The following ME3 variants were observed in gnomAD, a reference collection of about 807,000 sequenced individuals.
ME3 encodes malic enzyme 3.
Under a neutral mutation model 68.9 loss-of-function variants are expected in ME3, and 48 were observed. That is an observed-to-expected ratio of 0.70 (90% CI 0.55 to 0.89). The LOEUF (loss-of-function observed/expected upper bound fraction) is 0.89. Ranked by LOEUF, ME3 falls within the 40% of genes least tolerant of loss-of-function variation. The pLI, the probability that ME3 is intolerant of heterozygous loss-of-function variation, is 0.00. For synonymous variants in ME3, 320 were observed against 318.8 expected (o/e 1.00, Z -0.04); for missense variants, 675 against 797.4 (o/e 0.85, Z 1.85).
intron 2 of ME3, among the ~76,000 whole-genome samples, chr11:86,567,239 AAAGAAAGG>A (rs1554983082): frequency 5.4e-5 from 6 of 110,642 alleles, no homozygotes; most frequent in East Asian, 2.6e-4. Context: ...GAAAGAAAAG[AAAGAAAGG>A]AAGGAAGGAA....
chr11:86,585,363 G>A (rs1019340427), intron 2 of ME3, among the ~76,000 whole-genome samples: 2 of 152,196 alleles, frequency 1.3e-5, no homozygotes, highest in Non-Finnish European at 2.9e-5. Context: ...CTAGGATGGT[G>A]GAATGCAGCT....
At chr11:86,571,802 G>A (rs1480564498) in intron 2 of ME3, among the ~76,000 whole-genome samples, 1 of 152,166 alleles carries the variant, frequency 6.6e-6, no homozygotes, top group Non-Finnish European at 1.5e-5. Context: ...AGGGTAAATA[G>A]GAGTTAGAGA....
At chr11:86,606,198 G>A (rs891975801) in intron 2 of ME3, among the ~76,000 whole-genome samples, 1 of 152,170 alleles carries the variant, frequency 6.6e-6, no homozygotes, top group South Asian at 2.1e-4. Context: ...GATTGTGACA[G>A]CAATTTTGTA....
chr11:86,556,805 CG>C (rs1594432663), intron 3 of ME3, 103 bp from the exon 4 acceptor site: 2 of 1,307,608 alleles, frequency 1.5e-6, no homozygotes, highest in East Asian at 4.7e-5. Flanking sequence ...CTGCTCAGCC[CG>C]GAACATTCAT....
intron 2 of ME3, among the ~76,000 whole-genome samples, chr11:86,631,041 G>A (rs1406415361): frequency 6.6e-6 from 1 of 152,250 alleles, no homozygotes; most frequent in Non-Finnish European, 1.5e-5. Flanking sequence ...CCGAGTCACA[G>A]ATGAGCCCAG....
At chr11:86,670,543 T>C (rs184641367) in intron 2 of ME3, among the ~76,000 whole-genome samples, 5 of 152,344 alleles carry the variant, frequency 3.3e-5, no homozygotes, top group Admixed American at 1.3e-4. Flanking sequence ...CTTTGGAAAG[T>C]GGTAGCGTCC....
chr11:86,490,775 TG>T (rs1951954868), intron 6 of ME3, among the ~76,000 whole-genome samples: 3 of 152,224 alleles, frequency 2.0e-5, no homozygotes, highest in Admixed American at 2.0e-4. Context: ...AAAGGGTCCA[TG>T]GTGAGTTATA....
At chr11:86,513,688 C>T (rs962717697) in intron 4 of ME3, among the ~76,000 whole-genome samples, 3 of 152,056 alleles carry the variant, frequency 2.0e-5, no homozygotes, top group East Asian at 1.9e-4. Flanking sequence ...GTAAAATGTG[C>T]GGGGCTAGGG....
At chr11:86,438,482 G>C (rs976503185), downstream of ME3, among the ~76,000 whole-genome samples, 3 of 152,076 alleles carry the variant, frequency 2.0e-5, no homozygotes, top group Non-Finnish European at 4.4e-5. Flanking sequence ...GGCAATACTA[G>C]TATCATAGAA....
intron 2 of ME3, among the ~76,000 whole-genome samples, chr11:86,596,257 C>T (rs1218928190): frequency 1.3e-5 from 2 of 152,114 alleles, no homozygotes; most frequent in African/African-American, 4.8e-5. Flanking sequence ...GGGTCTTTGA[C>T]AAGGGTTTTC....
intron 4 of ME3, among the ~76,000 whole-genome samples, chr11:86,542,974 G>A (rs1306665923): frequency 6.6e-6 from 1 of 152,208 alleles, no homozygotes; most frequent in Non-Finnish European, 1.5e-5. Flanking sequence ...AACCCTACAT[G>A]CCAGAAGAGA....
intron 6 of ME3, among the ~76,000 whole-genome samples, chr11:86,488,588 C>T (rs1057191917): frequency 9.9e-5 from 15 of 152,212 alleles, no homozygotes; most frequent in South Asian, 2.1e-4. Context: ...TCACAGCAGT[C>T]ATACGCTATT....
At chr11:86,525,019 G>A (rs1230700999) in intron 4 of ME3, among the ~76,000 whole-genome samples, 1 of 152,194 alleles carries the variant, frequency 6.6e-6, no homozygotes, top group Non-Finnish European at 1.5e-5. Flanking sequence ...GAAAAGATGT[G>A]TGTGTCTCTG....
chr11:86,641,257 T>G (rs746246957), intron 2 of ME3, among the ~76,000 whole-genome samples: 6 of 151,972 alleles, frequency 3.9e-5, no homozygotes, highest in Non-Finnish European at 7.4e-5. Flanking sequence ...TTAACATAAC[T>G]CAAGACAGAA....
intron 8 of ME3, among the ~76,000 whole-genome samples, chr11:86,461,537 T>C (rs1950224785): frequency 2.0e-5 from 3 of 152,222 alleles, no homozygotes; most frequent in Non-Finnish European, 2.9e-5. Flanking sequence ...TGAGCTGTGA[T>C]GCAGGCCCCA....
intron 7 of ME3, among the ~76,000 whole-genome samples, chr11:86,472,304 A>G (rs1465202122): frequency 6.6e-6 from 1 of 152,172 alleles, no homozygotes; most frequent in Non-Finnish European, 1.5e-5. Context: ...AAACAGCCTA[A>G]GCAATCTGGA....
At chr11:86,583,377 A>T (rs1958550121) in intron 2 of ME3, among the ~76,000 whole-genome samples, 1 of 152,166 alleles carries the variant, frequency 6.6e-6, no homozygotes, top group South Asian at 2.1e-4. Flanking sequence ...CGAATACAAG[A>T]TGTAGTGATT....
rs1463288901 is a variant in ME3, at chr11:86,606,871, G to T, written c.184-47048C>A. 2.6e-5 allele frequency among the ~76,000 whole-genome samples: 4 copies of T among 152,144 alleles called. No individual in the cohort carries two copies. In the South Asian group the frequency reaches 8.3e-4, roughly 32 times the overall value. On this transcript the variant is annotated intron_variant, in intron 2 of 14. Coordinates refer to ENST00000543262, the Ensembl canonical transcript of ME3. Reference sequence around the variant, plus strand: ...TCCTACTTCTTTTTCTAATCCATGTGTCACCAGGAGAAACAAATGTAAATA... The same window carrying T: ...TCCTACTTCTTTTTCTAATCCATGTTTCACCAGGAGAAACAAATGTAAATA...
intron 2 of ME3, among the ~76,000 whole-genome samples, chr11:86,636,176 G>T (rs1382869336): frequency 6.6e-6 from 1 of 152,052 alleles, no homozygotes; most frequent in East Asian, 1.9e-4. Flanking sequence ...GGCAGGGCGG[G>T]GTATGTCTGG....
Sources: gnomAD v4.1 joint callset for allele counts (sites outside exome capture counted in the v4.1 genomes callset) on GRCh38, gnomAD v4.1.1 for gene constraint, MANE v1.5 for transcripts, NCBI Gene and HGNC (gene_info 2026-07-23, HGNC 2026-07-21) for gene names.